The following NYNRIN variants were observed in gnomAD, a reference collection of about 807,000 sequenced individuals.
NYNRIN encodes protein NYNRIN.
A neutral mutation model predicts 146.6 loss-of-function variants in NYNRIN; 86 were observed. The observed-to-expected ratio is 0.59, with a 90% CI of 0.49 to 0.70. The LOEUF is 0.70. Ranked by LOEUF, NYNRIN falls within the 30% of genes least tolerant of loss-of-function variation. The probability of loss-of-function intolerance (pLI) is 0.00; values close to 1 mark genes in which losing one functional copy is unlikely to be tolerated. For synonymous variants in NYNRIN, 1,027 were observed against 1,001.3 expected, an observed-to-expected ratio of 1.03 and a Z score of -0.48; for missense variants, 2,191 against 2,377.7, an observed-to-expected ratio of 0.92 and a Z score of 1.63.
chr14:24,401,138 C>T (rs1046854753), intron 2 of NYNRIN, among the ~76,000 whole-genome samples: 1 of 152,178 alleles, frequency 6.6e-6, no homozygotes, highest in Admixed American at 6.5e-5. Flanking sequence ...TTGCTCAAAT[C>T]CTGGATTGGC....
In NYNRIN at chr14:24,417,146, G is replaced by A. The variant is rs1190221204; in HGVS notation, c.5397G>A (p.Glu1799=). 1 of 1,614,034 alleles carries A rather than the reference G, an allele frequency of 6.2e-7. No individual in the cohort carries two copies. The highest frequency in any genetic ancestry group is 2.2e-5 in the East Asian group (1 of 44,888). Residue 1799 remains glutamate (E), a synonymous_variant, in exon 9 of 9, where the codon GAG becomes GAA. Coordinates refer to ENST00000382554, the MANE Select transcript of NYNRIN (RefSeq NM_025081.3). ...FLLQLVGELL[E]LHWRVADKAS... ...TACAGCTGGTGGGGGAGCTGCTGGA[G>A]CTCCACTGGAGGGTGGCTGACAAGG...
Position 24,417,494 on chromosome 14 carries a change from T to C in NYNRIN, c.*48T>C. The C allele has an allele frequency of 7.0e-7, 1 of 1,435,004 alleles. No individual in the cohort carries two copies. The highest frequency in any genetic ancestry group is 9.1e-7 in the Non-Finnish European group (1 of 1,098,548). The allele number at this position is 1,435,004 out of a possible 1,614,324, so 88.9% of individuals were successfully genotyped here. On this transcript the variant is annotated 3_prime_UTR_variant, in exon 9 of 9. Transcript: ENST00000382554. ...CTGCCCCAGGGCCGTGGGTTTCTGC[T>C]GCTAGGCCTCCCCCTGTCCCAGCAG...
intron 2 of NYNRIN, among the ~76,000 whole-genome samples, chr14:24,407,253 C>T (rs181013516): frequency 6.6e-6 from 1 of 152,342 alleles, no homozygotes; most frequent in African/African-American, 2.4e-5. Context: ...ACAGGCTGTG[C>T]CAGGTGTCAT....
In NYNRIN at chr14:24,417,717, G is replaced by A. The variant is rs1397999384; in HGVS notation, c.*271G>A. The A allele has an allele frequency of 5.2e-6, 2 of 387,914 alleles. No individual in the cohort carries two copies. The highest frequency in any genetic ancestry group is 9.2e-6 in the Non-Finnish European group (2 of 217,898). The allele number at this position is 387,914 out of a possible 1,614,324, so 24.0% of individuals were successfully genotyped here. A position where few individuals can be genotyped will look rare whatever the true frequency, so the allele number is the denominator to read the frequency against. Reference sequence around the variant, plus strand: ...CACTGGGAAATGGAGTGCTCCTCTAGGCTATACCAGGCTCAGTGTCTTCTC... The same window carrying A: ...CACTGGGAAATGGAGTGCTCCTCTAAGCTATACCAGGCTCAGTGTCTTCTC... On this transcript the variant is annotated 3_prime_UTR_variant, in exon 9 of 9. Coordinates refer to ENST00000382554, the MANE Select transcript of NYNRIN (RefSeq NM_025081.3).
Position 24,408,219 on chromosome 14 carries a change from A to G in NYNRIN, c.549A>G (p.Pro183=), listed in dbSNP as rs1194339386. ...CAGGGGACCTACTGCAGCTGCCCCC[A>G]GCGGTCCAGGAGCTGCTGCTGAGCC... ...QHAGDLLQLP[P]AVQELLLSLV... is the part of the protein sequence containing the mutation. Residue 183 remains proline (P), a synonymous_variant, in exon 3 of 9, where the codon CCA becomes CCG. Transcript: ENST00000382554. 3.1e-6 allele frequency: 5 copies of G among 1,604,818 alleles called. No individual in the cohort carries two copies. The South Asian group carries it at 3.3e-5, about 11-fold the overall frequency.
chr14:24,402,177 A>C (rs2042848207), intron 2 of NYNRIN, among the ~76,000 whole-genome samples: 1 of 152,190 alleles, frequency 6.6e-6, no homozygotes, highest in Admixed American at 6.5e-5. Context: ...GAGTGCTTTA[A>C]AATTGTTTTG....
At chr14:24,413,254 C>A (rs2042923452) in intron 7 of NYNRIN, 62 bp from the exon 8 acceptor site, 11 of 1,512,106 alleles carry the variant, frequency 7.3e-6, no homozygotes, top group Non-Finnish European at 9.9e-6. Context: ...AGCCAGGCGA[C>A]AACAGGGTGT....
intron 2 of NYNRIN, among the ~76,000 whole-genome samples, chr14:24,399,684 C>T (rs1348134788): frequency 8.5e-5 from 13 of 152,178 alleles, no homozygotes; most frequent in Non-Finnish European, 1.9e-4. Flanking sequence ...TACGTGTCAC[C>T]TCTGTCCCTC....
In NYNRIN at chr14:24,417,554, T is replaced by G; in HGVS notation, c.*108T>G. 7.4e-7 allele frequency: 1 copy of G among 1,359,426 alleles called. No homozygotes were observed. Among genetic ancestry groups the G allele is most frequent in the Admixed American group, 3.1e-5 (1 of 32,026 alleles). 84.2% of individuals were successfully genotyped at this position (1,359,426 alleles called of 1,614,324 possible). A position where few individuals can be genotyped will look rare whatever the true frequency, so the allele number is the denominator to read the frequency against. ...TCCACTGGGGGCCCTCAGTTGTGCC[T>G]TTTGTAGAGAACTTGCTTCATAAAG... On this transcript the variant is annotated 3_prime_UTR_variant, in exon 9 of 9. Coordinates refer to ENST00000382554, the MANE Select transcript of NYNRIN (RefSeq NM_025081.3).
Position 24,415,281 on chromosome 14 carries a change from G to A in NYNRIN, c.3532G>A (p.Glu1178Lys). Residue 1178 changes from glutamate to lysine, a missense_variant, in exon 9 of 9, where the codon GAG becomes AAG. Physicochemically the swap from Glu to Lys is moderately conservative, Grantham distance 56. Transcript: ENST00000382554. ...HVALTAILHQ[E>K]HSGRKHPIAY... ...GGCCCTGACGGCCATCCTCCATCAG[G>A]AGCACTCAGGGAGGAAGCACCCCAT... is the stretch of plus-strand genomic sequence containing the variant. 6.2e-7 allele frequency: 1 copy of A among 1,613,890 alleles called. No individual in the cohort carries two copies. Among genetic ancestry groups the A allele is most frequent in the Non-Finnish European group, 8.5e-7 (1 of 1,179,866 alleles).
Position 24,409,164 on chromosome 14 carries a change from C to T in NYNRIN, c.1370C>T (p.Thr457Met), listed in dbSNP as rs12437434. Residue 457 changes from threonine to methionine, a missense_variant, in exon 4 of 9, where the codon ACG becomes ATG. Thr to Met is a moderately conservative substitution (Grantham distance 81, BLOSUM62 -1). Around this residue, in one of 3 missense-constraint regions of NYNRIN, gnomAD observed 895 missense variants for 941.2 expected, o/e 0.95. Transcript: ENST00000382554. Reference protein sequence around the residue: ...CPRPEISPKVTSLLVVPGSSD... With the variant: ...CPRPEISPKVMSLLVVPGSSD... Reference sequence around the variant, plus strand: ...AGGCCAGAGATTTCCCCAAAAGTTACGAGTTTATTGGTGGTCCCTGGGAGC... The same window carrying T: ...AGGCCAGAGATTTCCCCAAAAGTTATGAGTTTATTGGTGGTCCCTGGGAGC... The T allele has an allele frequency of 0.022, 36,192 of 1,613,850 alleles. 2,932 individuals are homozygous for T. The East Asian group carries it at 0.29, about 13-fold the overall frequency.
In NYNRIN at chr14:24,409,318, G is replaced by A. The variant is rs1478600589; in HGVS notation, c.1524G>A (p.Leu508=). ...GTATGCAGTTAGATTTTAAGGGACTGGAAGAGGGACCCGCTCCAGTGCTGC... is the reference window on the plus strand; with the variant it reads ...GTATGCAGTTAGATTTTAAGGGACTAGAAGAGGGACCCGCTCCAGTGCTGC... The part of the protein sequence containing the change: ...QGSMQLDFKG[L]EEGPAPVLPT... Residue 508 remains leucine, a synonymous_variant, in exon 4 of 9, where the codon CTG becomes CTA. Coordinates refer to ENST00000382554, the MANE Select transcript of NYNRIN (RefSeq NM_025081.3). 1.2e-6 allele frequency: 2 copies of A among 1,613,954 alleles called. No homozygotes were observed. The highest frequency in any genetic ancestry group is 1.7e-6 in the Non-Finnish European group (2 of 1,179,908).
At chr14:24,412,465 C>A (rs1168212740) in intron 6 of NYNRIN, 1 of 153,268 alleles carries the variant, frequency 6.5e-6, no homozygotes, top group African/African-American at 2.4e-5. Flanking sequence ...TATGTGTTAG[C>A]GTATATATGT....
chr14:24,403,628 C>A (rs1040250515), intron 2 of NYNRIN, among the ~76,000 whole-genome samples: 8 of 152,208 alleles, frequency 5.3e-5, no homozygotes, highest in African/African-American at 1.9e-4. Flanking sequence ...TGTGTAATGA[C>A]CATTGTCACC....
chr14:24,410,076 C>G lies in NYNRIN; in HGVS notation c.2282C>G (p.Ala761Gly), dbSNP rs752963794. Residue 761 changes from alanine to glycine, a missense_variant, in exon 4 of 9, where the codon GCG (alanine) becomes GGG (glycine). By Grantham distance (60) the Ala-to-Gly change is moderately conservative. Transcript: ENST00000382554. Reference sequence around the variant, plus strand: ...AGGCAGCCACCTCGCCACCTGCAAGCGAACAGCACAGTGACCAGCTTCCAG... The same window carrying G: ...AGGCAGCCACCTCGCCACCTGCAAGGGAACAGCACAGTGACCAGCTTCCAG... The part of the protein sequence containing the change: ...APRQPPRHLQ[A>G]NSTVTSFQRY... 6.2e-7 allele frequency: 1 copy of G among 1,613,954 alleles called. No individual in the cohort carries two copies. The highest frequency in any genetic ancestry group is 2.2e-5 in the East Asian group (1 of 44,886).
chr14:24,399,597 C>G (rs1364484605), intron 2 of NYNRIN, among the ~76,000 whole-genome samples, 153 bp downstream of exon 2: 1 of 152,124 alleles, frequency 6.6e-6, no homozygotes, highest in African/African-American at 2.4e-5. Flanking sequence ...ATCCTCCTGC[C>G]TCGCCAGATC....
chr14:24,404,387 C>T (rs773217613), intron 2 of NYNRIN, among the ~76,000 whole-genome samples: 9 of 152,226 alleles, frequency 5.9e-5, no homozygotes, highest in Non-Finnish European at 1.0e-4. Context: ...CAATTTGAAA[C>T]GTATGTATTC....
rs1353893008 is a variant in NYNRIN, at chr14:24,408,929, C to T, written c.1135C>T (p.Leu379=). 6.2e-6 allele frequency: 10 copies of T among 1,613,918 alleles called. No homozygotes were observed. Among genetic ancestry groups the T allele is most frequent in the South Asian group, 1.1e-5 (1 of 91,084 alleles). Residue 379 remains leucine, a synonymous_variant, in exon 4 of 9, where the codon CTG becomes TTG. Coordinates refer to ENST00000382554, the MANE Select transcript of NYNRIN (RefSeq NM_025081.3). ...WRINELHSLH[L]AWLLSQACFN... ...GATCAATGAGCTGCATTCTCTACAT[C>T]TGGCCTGGCTCCTGTCCCAGGCGTG...
rs756824618 is a variant in NYNRIN at position 24,408,460 on chromosome 14, C to T, written c.790C>T (p.Leu264=). The change falls in exon 3 of 9, where the codon CTG becomes TTG. Residue 264 remains leucine, a synonymous_variant. Coordinates refer to ENST00000382554, the MANE Select transcript of NYNRIN (RefSeq NM_025081.3). ...AGAAAATTCAAAGAGATTATCTAGCCTGGGAGCCACTGGGTCCCTGATCAC... is the reference window on the plus strand; with the variant it reads ...AGAAAATTCAAAGAGATTATCTAGCTTGGGAGCCACTGGGTCCCTGATCAC... ...GPENSKRLSS[L]GATGSLITAQ... is the part of the protein sequence containing the mutation. 1.1e-4 allele frequency: 184 copies of T among 1,610,850 alleles called. No individual in the cohort carries two copies. Among genetic ancestry groups the T allele is most frequent in the Non-Finnish European group, 1.5e-4 (176 of 1,178,400 alleles).
Sources: gnomAD v4.1 joint callset for allele counts (sites outside exome capture counted in the v4.1 genomes callset) on GRCh38, gnomAD v4.1.1 for gene constraint, gnomAD v4.1.1 regional missense constraint, MANE v1.5 for transcripts, NCBI Gene and HGNC (gene_info 2026-07-23, HGNC 2026-07-21) for gene names.